Variants in DLGAP1 observed in about 807,000 individuals in gnomAD.
DLGAP1 encodes the protein disks large-associated protein 1.
DLGAP1 carries 11 observed loss-of-function variants against 90.8 expected under a neutral mutation model. That is an observed-to-expected ratio of 0.12 (90% CI 0.08 to 0.20). The LOEUF is 0.20. Among genes scored for constraint, DLGAP1 ranks in the 10% least tolerant of loss-of-function variants. The pLI is 1.00. For synonymous variants in DLGAP1, 558 were observed against 540.7 expected, an observed-to-expected ratio of 1.03 and a Z score of -0.44; for missense variants, 1,050 against 1,333.8, an observed-to-expected ratio of 0.79 and a Z score of 3.31.
At chr18:4,072,370 C>A (rs1490912516) in intron 2 of DLGAP1, among the ~76,000 whole-genome samples, 1 of 151,852 alleles carries the variant, frequency 6.6e-6, no homozygotes, top group Non-Finnish European at 1.5e-5. Context: ...ATGTATCAGT[C>A]CTATTAGAAA....
At chr18:3,790,825 A>T (rs1230163009) in intron 5 of DLGAP1, among the ~76,000 whole-genome samples, 1 of 152,050 alleles carries the variant, frequency 6.6e-6, no homozygotes, top group African/African-American at 2.4e-5. Context: ...AGTCATTGTG[A>T]GGGGTTTGGC....
chr18:4,434,122 T>G (rs1488728052), intron 1 of DLGAP1, among the ~76,000 whole-genome samples: 1 of 152,082 alleles, frequency 6.6e-6, no homozygotes, highest in African/African-American at 2.4e-5. Context: ...CTGTTTTCTA[T>G]TTTATGAATT....
At chr18:4,146,524 G>A (rs776741270) in intron 2 of DLGAP1, among the ~76,000 whole-genome samples, 1 of 152,086 alleles carries the variant, frequency 6.6e-6, no homozygotes, top group Non-Finnish European at 1.5e-5. Flanking sequence ...GGATTCCAGG[G>A]GTTATTTGTC....
intron 1 of DLGAP1, among the ~76,000 whole-genome samples, chr18:4,197,199 AAAAAAAAAAG>A (rs1555760526): frequency 6.9e-6 from 1 of 144,304 alleles, no homozygotes; most frequent in Admixed American, 6.8e-5. Flanking sequence ...AAAAAAAAAA[AAAAAAAAAAG>A]AAAAAAAAAG....
chr18:4,165,161 C>A (rs889327699), intron 1 of DLGAP1, among the ~76,000 whole-genome samples: 1 of 151,914 alleles, frequency 6.6e-6, no homozygotes, highest in South Asian at 2.1e-4. Context: ...AAGATAAACC[C>A]CAAAAAGTGT....
chr18:4,032,437 C>A (rs1049456394), intron 2 of DLGAP1, among the ~76,000 whole-genome samples: 24 of 151,478 alleles, frequency 1.6e-4, no homozygotes. Flanking sequence ...TTTTGAACAT[C>A]AAAAAAAAGA....
intron 3 of DLGAP1, among the ~76,000 whole-genome samples, chr18:3,949,241 A>T (rs1431934917): frequency 6.6e-6 from 1 of 151,990 alleles, no homozygotes; most frequent in Non-Finnish European, 1.5e-5. Context: ...CCTCCCTTAC[A>T]ATTGGCTTGA....
Position 3,612,099 on chromosome 18 carries a change from T to A in DLGAP1, c.1592-29851A>T, listed in dbSNP as rs114473308. On this transcript the variant is annotated intron_variant, in intron 7 of 12. Coordinates refer to ENST00000315677, the MANE Select transcript of DLGAP1 (RefSeq NM_004746.4). ...TGTTTAAGAATATGGCACAGTTCTG[T>A]CGTCCCAGCTGCTTGGAAGGCTGAG... 7.8e-3 allele frequency among the ~76,000 whole-genome samples: 1,183 copies of A among 152,334 alleles called. 11 individuals are homozygous for A. The highest frequency in any genetic ancestry group is 0.027 in the African/African-American group (1,121 of 41,578).
chr18:3,527,513 T>G (rs931755401), intron 10 of DLGAP1, among the ~76,000 whole-genome samples: 3 of 144,996 alleles, frequency 2.1e-5, no homozygotes, highest in African/African-American at 5.1e-5. Context: ...TGAACATGGT[T>G]GTTCTGCTTA....
At chr18:3,772,149 T>A (rs1449529150) in intron 5 of DLGAP1, among the ~76,000 whole-genome samples, 3 of 145,784 alleles carry the variant, frequency 2.1e-5, no homozygotes, top group Non-Finnish European at 3.0e-5. Flanking sequence ...TCTCCTTCCT[T>A]CCTTCCCTTT....
intron 9 of DLGAP1, among the ~76,000 whole-genome samples, chr18:3,551,984 T>C (rs931500482): frequency 5.9e-5 from 9 of 151,498 alleles, no homozygotes; most frequent in Admixed American, 3.3e-4. Flanking sequence ...TTCTTTTTAT[T>C]TTTTGTAGAT....
chr18:4,143,992 TC>T, intron 2 of DLGAP1, among the ~76,000 whole-genome samples: 1 of 152,082 alleles, frequency 6.6e-6, no homozygotes, highest in East Asian at 1.9e-4. Flanking sequence ...CAAGACAAAG[TC>T]CTCTTTACTC....
chr18:4,056,492 C>T (rs935939372), intron 2 of DLGAP1, among the ~76,000 whole-genome samples: 3 of 152,310 alleles, frequency 2.0e-5, no homozygotes, highest in Admixed American at 6.5e-5. Context: ...TTTATGGCTA[C>T]AACACATGGT....
chr18:4,448,512 C>T (rs17437778), intron 1 of DLGAP1, among the ~76,000 whole-genome samples: 2 of 151,990 alleles, frequency 1.3e-5, no homozygotes, highest in Non-Finnish European at 1.5e-5. Flanking sequence ...CTATAAAGCA[C>T]ATGCAAATCT....
At chr18:4,028,104 A>G (rs2074732705) in intron 2 of DLGAP1, among the ~76,000 whole-genome samples, 1 of 152,214 alleles carries the variant, frequency 6.6e-6, no homozygotes, top group Admixed American at 6.5e-5. Flanking sequence ...AACAAACCCA[A>G]GATTGTCAAG....
intron 4 of DLGAP1, among the ~76,000 whole-genome samples, chr18:3,853,043 T>C (rs79519517): frequency 1.0e-3 from 158 of 152,230 alleles, no homozygotes; most frequent in African/African-American, 3.5e-3. Context: ...TGTTCTAATT[T>C]CTAGAAGAAT....
chr18:4,022,910 G>T (rs1028008693), intron 2 of DLGAP1, among the ~76,000 whole-genome samples: 1 of 128,828 alleles, frequency 7.8e-6, no homozygotes, highest in African/African-American at 2.9e-5. Flanking sequence ...CTTTATCAAT[G>T]ATTTAATTAG....
intron 9 of DLGAP1, among the ~76,000 whole-genome samples, chr18:3,535,447 C>A (rs991794201): frequency 3.9e-4 from 59 of 152,298 alleles, no homozygotes; most frequent in African/African-American, 1.3e-3. Flanking sequence ...GTGGCTCACG[C>A]CCGTAATCCC....
chr18:4,445,905 T>G (rs1341459827), intron 1 of DLGAP1, among the ~76,000 whole-genome samples: 9 of 151,806 alleles, frequency 5.9e-5, no homozygotes, highest in Admixed American at 1.3e-4. Context: ...AAACAATTAT[T>G]TTAAAAGAAA....
Sources: allele counts gnomAD v4.1 joint callset (sites outside exome capture counted in the v4.1 genomes callset), GRCh38; gene constraint gnomAD v4.1.1; transcripts MANE v1.5; gene names NCBI Gene and HGNC (gene_info 2026-07-23, HGNC 2026-07-21).